Variants in TRIP12 observed in about 807,000 individuals in gnomAD.
The protein encoded by TRIP12 is E3 ubiquitin-protein ligase TRIP12.
Under a neutral mutation model 244.2 loss-of-function variants are expected in TRIP12, and 25 were observed. The ratio of observed to expected loss-of-function variants is 0.10; its 90% CI spans 0.07 to 0.14. The LOEUF is 0.14. Ranked by LOEUF, TRIP12 falls within the 10% of genes least tolerant of loss-of-function variation. The pLI, the probability that TRIP12 is intolerant of heterozygous loss-of-function variation, is 1.00. For missense variants in TRIP12, 1,677 were observed against 2,486.4 expected (o/e 0.67, Z 6.92); for synonymous variants, 905 against 873.1 (o/e 1.04, Z -0.64).
At chr2:229,899,969 T>C (rs566208858) in intron 1 of TRIP12, among the ~76,000 whole-genome samples, 35 of 152,368 alleles carry the variant, frequency 2.3e-4, no homozygotes, top group Admixed American at 7.8e-4. Context: ...CTAATAGGTC[T>C]TTTAAAACAA....
At chr2:229,905,375 A>G (rs1660717) in intron 1 of TRIP12, among the ~76,000 whole-genome samples, 148,909 of 152,306 alleles carry the variant, frequency 0.98, 72,889 homozygotes, top group Middle Eastern at 1. Flanking sequence ...AGACAAAGTC[A>G]TTTAGGAAGA....
Position 229,769,275 on chromosome 2 carries a change from T to G in TRIP12, c.5859A>C (p.Thr1953=), listed in dbSNP as rs1361542198. The stretch of plus-strand genomic sequence containing the variant: ...GATCAGGCCTACAGCATTCCATCAG[T>G]GTCTTTGCATCCCAAGTGTCTGCTT... ...GSKADTWDAK[T]LMECCRPDHG... The change falls in exon 40 of 42, where the codon ACA becomes ACC. Residue 1953 remains threonine, a synonymous_variant. Transcript: ENST00000675903. The G allele has an allele frequency of 6.2e-7, 1 of 1,613,974 alleles. No individual in the cohort carries two copies. Among genetic ancestry groups the G allele is most frequent in the Non-Finnish European group, 8.5e-7 (1 of 1,180,000 alleles).
chr2:229,880,276 G>T, intron 1 of TRIP12, 148 bp from the exon 2 acceptor site: 1 of 594,870 alleles, frequency 1.7e-6, no homozygotes, highest in Non-Finnish European at 2.9e-6. Context: ...TCACTGAACT[G>T]TGAAGTCTGA....
chr2:229,771,482 T>C (rs369823246), intron 39 of TRIP12, 37 bp downstream of exon 39: 35 of 1,547,506 alleles, frequency 2.3e-5, no homozygotes, highest in Non-Finnish European at 2.9e-5. Flanking sequence ...ACTAAAATTA[T>C]AGGTATGACC....
intron 13 of TRIP12, among the ~76,000 whole-genome samples, chr2:229,811,697 A>G (rs2047289381): frequency 6.6e-6 from 1 of 152,238 alleles, no homozygotes; most frequent in African/African-American, 2.4e-5. Context: ...AAGTTACACT[A>G]TGAAAACAAT....
chr2:229,875,078 G>A (rs1019632466), intron 2 of TRIP12, among the ~76,000 whole-genome samples: 2 of 152,032 alleles, frequency 1.3e-5, no homozygotes, highest in African/African-American at 2.4e-5. Context: ...TCCTATAGAA[G>A]AAAAAGAGAA....
intron 41 of TRIP12, 32 bp from the exon 42 acceptor site, chr2:229,767,782 T>G: frequency 4.4e-6 from 7 of 1,582,096 alleles, no homozygotes; most frequent in Non-Finnish European, 6.0e-6. Flanking sequence ...ACAAGGAACT[T>G]AAGTTTTTAA....
At chr2:229,794,578 T>C (rs1263139330) in intron 26 of TRIP12, among the ~76,000 whole-genome samples, 1 of 151,796 alleles carries the variant, frequency 6.6e-6, no homozygotes, top group Non-Finnish European at 1.5e-5. Flanking sequence ...AATAAATAAA[T>C]AAATAAATAA....
In TRIP12 at chr2:229,802,260, G is replaced by A. The variant is rs769750321; in HGVS notation, c.3198C>T (p.Ser1066=). Residue 1066 remains serine, a synonymous_variant, in exon 21 of 42, where the codon AGC becomes AGT. Coordinates refer to ENST00000675903, the MANE Select transcript of TRIP12 (RefSeq NM_001348323.3). ...QHSRDDSLDL[S]PQGRLSDVLK... ...ACACAATTCTTACTTACCCTTGAGG[G>A]CTGAGATCTAAAGAATCATCCCTGC... The A allele has an allele frequency of 9.4e-6, 15 of 1,595,730 alleles. No individual in the cohort carries two copies. In the Admixed American group the frequency reaches 2.2e-4, roughly 23 times the overall value.
At chr2:229,884,258 A>G (rs1275521390) in intron 1 of TRIP12, among the ~76,000 whole-genome samples, 6 of 125,586 alleles carry the variant, frequency 4.8e-5, no homozygotes, top group Non-Finnish European at 6.5e-5. Context: ...TTTTTTTGAG[A>G]CAGAGCCTTG....
chr2:229,816,431 A>C (rs887837345), intron 9 of TRIP12, among the ~76,000 whole-genome samples: 6 of 152,144 alleles, frequency 3.9e-5, no homozygotes, highest in African/African-American at 1.4e-4. Flanking sequence ...TAAGTTCCCC[A>C]ATTATTAAAT....
chr2:229,804,047 G>A lies in TRIP12; in HGVS notation c.2831C>T (p.Ala944Val), dbSNP rs202146534. 3 of 1,613,786 alleles carry A rather than the reference G, an allele frequency of 1.9e-6. No individual in the cohort carries two copies. The highest frequency in any genetic ancestry group is 1.3e-5 in the African/African-American group (1 of 74,982). Residue 944 changes from alanine (A) to valine (V), a missense_variant, in exon 19 of 42, where the codon GCG becomes GTG. Around this residue, in one of 11 missense-constraint regions of TRIP12, gnomAD observed 572 missense variants for 867.8 expected, o/e 0.66. Coordinates refer to ENST00000675903, the MANE Select transcript of TRIP12 (RefSeq NM_001348323.3). ...LRAILRIIYF[A>V]DAELLKDVLK... is the part of the protein sequence containing the mutation. ...AACATCCTTCAGAAGTTCAGCATCC[G>A]CAAAATAAATTATCCTAAGAATTGC...
At chr2:229,915,260 A>T (rs2075160580) in intron 1 of TRIP12, among the ~76,000 whole-genome samples, 2 of 152,148 alleles carry the variant, frequency 1.3e-5, no homozygotes, top group Non-Finnish European at 2.9e-5. Context: ...CTCAAAAAAA[A>T]AACTTATTTA....
Position 229,917,380 on chromosome 2 carries a change from C to CAAAAAAAAAAAAAAAAAAA in TRIP12, c.-50+4481_-50+4499dup, listed in dbSNP as rs60397605. Among the ~76,000 whole-genome samples the CAAAAAAAAAAAAAAAAAAA allele has an allele frequency of 2.1e-4, 6 of 29,262 alleles. 1 individual carries two copies. The highest frequency in any genetic ancestry group is 2.5e-4 in the African/African-American group (2 of 8,080). The allele number at this position is 29,262 out of a possible 152,430, so 19.2% of individuals were successfully genotyped here. A position where few individuals can be genotyped will look rare whatever the true frequency, so the allele number is the denominator to read the frequency against. ...TGGGCAACAGAGCGAGACTCTGTCT[C>CAAAAAAAAAAAAAAAAAAA]AAAAAAAAAAAAAAAAAAAAAAAAA... On this transcript the variant is annotated intron_variant, in intron 1 of 41. Coordinates refer to ENST00000675903, the MANE Select transcript of TRIP12 (RefSeq NM_001348323.3).
intron 26 of TRIP12, 77 bp from the exon 27 acceptor site, chr2:229,793,222 T>A (rs1340959676): frequency 7.1e-7 from 1 of 1,410,852 alleles, no homozygotes; most frequent in Non-Finnish European, 9.6e-7. Flanking sequence ...AAAGGCAAGT[T>A]AATACAAACT....
chr2:229,837,110 G>GT (rs2055029487), intron 5 of TRIP12, 126 bp from the exon 6 acceptor site: 2 of 1,031,806 alleles, frequency 1.9e-6, no homozygotes, highest in Non-Finnish European at 2.5e-6. Context: ...TTAAATAAAA[G>GT]TAAGTGCACA....
Position 229,791,267 on chromosome 2 carries a change from A to C in TRIP12, c.4416-16T>G. 1.2e-6 allele frequency: 2 copies of C among 1,613,632 alleles called. No homozygotes were observed. Among genetic ancestry groups the C allele is most frequent in the Non-Finnish European group, 1.7e-6 (2 of 1,179,814 alleles). ...AGGTTTATACCTAAAATGACAAGAC[A>C]GTATATAAACCAAATGTAGATTTTG... On this transcript the variant is annotated splice_polypyrimidine_tract_variant and intron_variant, in intron 29 of 41. Transcript: ENST00000675903.
intron 4 of TRIP12, among the ~76,000 whole-genome samples, chr2:229,844,456 T>C (rs753030313): frequency 1.7e-4 from 26 of 152,362 alleles, no homozygotes; most frequent in Non-Finnish European, 3.4e-4. Context: ...CCTGTTTTTA[T>C]GCTATCTTCC....
intron 4 of TRIP12, among the ~76,000 whole-genome samples, chr2:229,854,388 T>C (rs1412142807): frequency 6.6e-6 from 1 of 152,246 alleles, no homozygotes; most frequent in East Asian, 1.9e-4. Flanking sequence ...ATTCTCAAAA[T>C]GCTCCTTTGA....
Sources: allele counts gnomAD v4.1 joint callset (sites outside exome capture counted in the v4.1 genomes callset), GRCh38; gene constraint gnomAD v4.1.1; regional missense constraint gnomAD v4.1.1; transcripts MANE v1.5; gene names NCBI Gene and HGNC (gene_info 2026-07-23, HGNC 2026-07-21).